Variants in NUP58 observed in about 807,000 individuals in gnomAD.
NUP58 encodes nucleoporin p58/p45.
Under a neutral mutation model 70.1 loss-of-function variants are expected in NUP58, and 17 were observed. The ratio of observed to expected loss-of-function variants is 0.24; its 90% CI spans 0.17 to 0.36. The LOEUF is 0.36. NUP58 is among the 10% of genes least tolerant of loss of function. The pLI is 1.00. For synonymous variants in NUP58, 275 were observed against 257.6 expected, an observed-to-expected ratio of 1.07 and a Z score of -0.65; for missense variants, 644 against 701.5, an observed-to-expected ratio of 0.92 and a Z score of 0.93.
chr13:25,307,337 T>C (rs560238650), intron 1 of NUP58, among the ~76,000 whole-genome samples: 2 of 150,076 alleles, frequency 1.3e-5, no homozygotes, highest in East Asian at 2.0e-4. Flanking sequence ...CTCAGCCTCC[T>C]GAGTAGCTGG....
intron 8 of NUP58, 72 bp downstream of exon 8, chr13:25,320,667 TCCTC>T: frequency 2.6e-6 from 3 of 1,162,316 alleles, no homozygotes; most frequent in Non-Finnish European, 3.8e-6. Context: ...GAGCATCTCT[TCCTC>T]CTAAAATCGC....
chr13:25,323,091 CT>C (rs2031253445), intron 9 of NUP58, among the ~76,000 whole-genome samples: 1 of 152,060 alleles, frequency 6.6e-6, no homozygotes, highest in African/African-American at 2.4e-5. Context: ...CATTAATAGT[CT>C]TTTAGAGATA....
chr13:25,304,492 A>G (rs1476095009), intron 1 of NUP58, among the ~76,000 whole-genome samples: 1 of 90,880 alleles, frequency 1.1e-5, no homozygotes, highest in Non-Finnish European at 2.5e-5. Context: ...ATATATATAT[A>G]TATATATATA....
At chr13:25,301,991 G>A in intron 1 of NUP58, 111 bp downstream of exon 1, 1 of 720,168 alleles carries the variant, frequency 1.4e-6, no homozygotes, top group African/African-American at 1.8e-5. Flanking sequence ...TTCCCAGTGG[G>A]GCTGGAGAGA....
chr13:25,338,270 C>T (rs1468797204), intron 14 of NUP58, among the ~76,000 whole-genome samples: 1 of 151,952 alleles, frequency 6.6e-6, no homozygotes, highest in African/African-American at 2.4e-5. Context: ...GTATTTAGTC[C>T]TTTTTTTGTG....
chr13:25,313,094 A>AAC, intron 4 of NUP58, 62 bp downstream of exon 4: 2 of 1,535,200 alleles, frequency 1.3e-6, no homozygotes, highest in Non-Finnish European at 1.8e-6. Context: ...CTGGTTAGAG[A>AAC]ACATAGATAG....
At chr13:25,305,232 C>T (rs1048815693) in intron 1 of NUP58, among the ~76,000 whole-genome samples, 6 of 148,972 alleles carry the variant, frequency 4.0e-5, no homozygotes, top group African/African-American at 1.5e-4. Flanking sequence ...CAACCTCCAC[C>T]TCCTGGGCTA....
intron 9 of NUP58, among the ~76,000 whole-genome samples, chr13:25,323,834 A>T (rs1034340356): frequency 2.0e-5 from 3 of 152,182 alleles, no homozygotes; most frequent in African/African-American, 7.2e-5. Flanking sequence ...AAGATCTGTT[A>T]TGTGCCAGGT....
chr13:25,320,569 C>T lies in NUP58; in HGVS notation c.750C>T (p.Val250=), dbSNP rs1432312483. Residue 250 remains valine (V), a synonymous_variant, in exon 8 of 16, where the codon GTC becomes GTT. Transcript: ENST00000381736. The part of the protein sequence containing the change: ...KALKDENLPP[V]ICQDVENLQK... The stretch of plus-strand genomic sequence containing the variant: ...TGAAGGATGAAAATCTACCTCCTGT[C>T]ATCTGCCAGGATGTTGAAAATCTCC... 1.2e-6 allele frequency: 2 copies of T among 1,610,506 alleles called. No individual in the cohort carries two copies. Among genetic ancestry groups the T allele is most frequent in the Non-Finnish European group, 1.7e-6 (2 of 1,177,356 alleles).
At chr13:25,334,204 ACTTGTCTATAAGTGCTT>A (rs1382173454) in intron 13 of NUP58, 3 of 985,422 alleles carry the variant, frequency 3.0e-6, no homozygotes, top group Middle Eastern at 5.2e-4. Context: ...AGAACTTGAC[ACTTGTCTATAAGTGCTT>A]CCCAAGCCTC....
intron 7 of NUP58, 45 bp from the exon 8 acceptor site, chr13:25,320,485 T>C (rs766073349): frequency 1.4e-6 from 2 of 1,422,364 alleles, no homozygotes; most frequent in Non-Finnish European, 2.0e-6. Flanking sequence ...CTGTCAACTT[T>C]TTAAAATCTC....
rs1225612720 is a variant in NUP58 at position 25,301,642 on chromosome 13, C to T, written c.-132C>T. On this transcript the variant is annotated 5_prime_UTR_variant, in exon 1 of 16. Transcript: ENST00000381736. ...ACCCCCTCAGCCTTGCCTTCGCCGC[C>T]GTTGGGGCTGGAAGTTCCCGCCAGG... The T allele has an allele frequency of 2.1e-5, 10 of 467,936 alleles. No individual in the cohort carries two copies. The highest frequency in any genetic ancestry group is 5.7e-4 in the Middle Eastern group (1 of 1,762). The allele number at this position is 467,936 out of a possible 1,614,324, so 29.0% of individuals were successfully genotyped here. A position where few individuals can be genotyped will look rare whatever the true frequency, so the allele number is the denominator to read the frequency against.
intron 1 of NUP58, among the ~76,000 whole-genome samples, chr13:25,304,521 T>TGTG (rs1491553153): frequency 7.5e-5 from 4 of 53,400 alleles, no homozygotes; most frequent in African/African-American, 1.8e-4. Flanking sequence ...TATATATGTA[T>TGTG]TTTTTTTTTT....
intron 3 of NUP58, among the ~76,000 whole-genome samples, chr13:25,311,693 T>G (rs2030676187): frequency 2.0e-5 from 3 of 149,352 alleles, no homozygotes; most frequent in African/African-American, 7.5e-5. Flanking sequence ...TTTTTTTTTT[T>G]TAAGGTAACC....
intron 7 of NUP58, 126 bp from the exon 8 acceptor site, chr13:25,320,404 A>T: frequency 3.3e-6 from 2 of 605,064 alleles, no homozygotes; most frequent in South Asian, 2.2e-5. Context: ...GAAATCATCC[A>T]GAGAAGCCAT....
In NUP58 at chr13:25,320,580, A is replaced by G; in HGVS notation, c.761A>G (p.Asp254Gly). The change falls in exon 8 of 16, where the codon GAT (aspartate) becomes GGT (glycine). Residue 254 changes from aspartate to glycine, a missense_variant. This residue lies in a region of NUP58 where 430 missense variants were observed against 409.2 expected (regional missense o/e 1.05). Coordinates refer to ENST00000381736, the MANE Select transcript of NUP58 (RefSeq NM_014089.4). The part of the protein sequence containing the change: ...DENLPPVICQ[D>G]VENLQKFVKE... ...AATCTACCTCCTGTCATCTGCCAGG[A>G]TGTTGAAAATCTCCAGTAAGTGTCA... The G allele has an allele frequency of 1.9e-6, 3 of 1,609,030 alleles. No individual in the cohort carries two copies.
chr13:25,343,787 A>G (rs1016465598), downstream of NUP58, among the ~76,000 whole-genome samples: 2 of 146,018 alleles, frequency 1.4e-5, no homozygotes, highest in African/African-American at 5.1e-5. Context: ...GTGGCTGTGT[A>G]GTATTCCACA....
chr13:25,309,334 A>T, intron 3 of NUP58, 52 bp downstream of exon 3: 3 of 1,342,570 alleles, frequency 2.2e-6, no homozygotes, highest in Non-Finnish European at 3.2e-6. Context: ...AATAATTTTA[A>T]TAAATTGAGT....
At position 25,314,746 on chromosome 13, in the gene NUP58, G is replaced by T. The variant is rs73470434; in HGVS notation, c.575-611G>T. ...AAATACAGATTTATCAACACAAGAT[G>T]CTTGAAATTTTGCGCTTGACTCACA... On this transcript the variant is annotated intron_variant, in intron 5 of 15. Coordinates refer to ENST00000381736, the MANE Select transcript of NUP58 (RefSeq NM_014089.4). Among the ~76,000 whole-genome samples the T allele has an allele frequency of 4.9e-3, 753 of 152,228 alleles. 3 individuals carry two copies. Among genetic ancestry groups the T allele is most frequent in the African/African-American group, 0.017 (705 of 41,556 alleles).
Sources: allele counts gnomAD v4.1 joint callset (sites outside exome capture counted in the v4.1 genomes callset), GRCh38; gene constraint gnomAD v4.1.1; regional missense constraint gnomAD v4.1.1; transcripts MANE v1.5; gene names NCBI Gene and HGNC (gene_info 2026-07-23, HGNC 2026-07-21).